TIAM1: variants seen among roughly 807,000 people sequenced by gnomAD.
The protein encoded by TIAM1 is rho guanine nucleotide exchange factor TIAM1.
In TIAM1, 65 loss-of-function variants were observed where a neutral mutation model predicts 163.5. That is an observed-to-expected ratio of 0.40 (90% confidence interval 0.33 to 0.49). The LOEUF is 0.49. Ranked by LOEUF, TIAM1 falls within the 20% of genes least tolerant of loss-of-function variation. The probability of loss-of-function intolerance (pLI) is 0.77; values close to 1 mark genes in which losing one functional copy is unlikely to be tolerated. For missense variants in TIAM1, 1,789 were observed against 2,044.7 expected (o/e 0.87, Z 2.41); for synonymous variants, 833 against 810.1 (o/e 1.03, Z -0.48).
intron 2 of TIAM1, among the ~76,000 whole-genome samples, chr21:31,286,451 C>A (rs1270367816): frequency 6.6e-6 from 1 of 151,858 alleles, no homozygotes; most frequent in Admixed American, 6.6e-5. Context: ...CTCATGCCTG[C>A]AATCTTAGCA....
chr21:31,523,004 A>G (rs1343760426), intron 1 of TIAM1, among the ~76,000 whole-genome samples: 6 of 152,324 alleles, frequency 3.9e-5, no homozygotes, highest in South Asian at 4.1e-4. Flanking sequence ...ATTCTCAATC[A>G]TTCTCAATAA....
chr21:31,274,115 T>C (rs1262408647), intron 3 of TIAM1, among the ~76,000 whole-genome samples: 2 of 151,962 alleles, frequency 1.3e-5, no homozygotes, highest in East Asian at 1.9e-4. Flanking sequence ...CTTGGGAGGC[T>C]GGGGCAGGAG....
Position 31,266,131 on chromosome 21 carries a change from G to A in TIAM1, c.842C>T (p.Pro281Leu). The change falls in exon 4 of 28, where the codon CCT becomes CTT. Residue 281 changes from proline to leucine, a missense_variant. Physicochemically the swap from Pro to Leu is moderately conservative, Grantham distance 98 (BLOSUM62 -3). Transcript: ENST00000541036. ...KMPPAAAEETPPYSNYNTLPC... is the reference protein window; with the variant it reads ...KMPPAAAEETLPYSNYNTLPC... ...AAGTGTGTTATAATTACTGTACGGAGGAGTCTCTTCAGCAGCAGCTGGTGG... is the reference window on the plus strand; with the variant it reads ...AAGTGTGTTATAATTACTGTACGGAAGAGTCTCTTCAGCAGCAGCTGGTGG... 1 of 1,614,216 alleles carries A rather than the reference G, an allele frequency of 6.2e-7. No homozygotes were observed. The highest frequency in any genetic ancestry group is 8.5e-7 in the Non-Finnish European group (1 of 1,180,040).
At chr21:31,352,471 A>G (rs1646612453) in intron 2 of TIAM1, among the ~76,000 whole-genome samples, 1 of 150,872 alleles carries the variant, frequency 6.6e-6, no homozygotes, top group Admixed American at 6.6e-5. Context: ...TATGTTATAT[A>G]TATCTTACCA....
intron 11 of TIAM1, among the ~76,000 whole-genome samples, chr21:31,204,969 C>A (rs527807157): frequency 6.6e-6 from 1 of 152,328 alleles, no homozygotes; most frequent in South Asian, 2.1e-4. Flanking sequence ...TGGCTTTTGT[C>A]CTTTCACTGC....
intron 2 of TIAM1, among the ~76,000 whole-genome samples, chr21:31,435,571 C>T (rs1320624607): frequency 6.6e-6 from 1 of 152,148 alleles, no homozygotes; most frequent in Non-Finnish European, 1.5e-5. Context: ...TGGGATGAAA[C>T]TAAGTAGGCA....
upstream of TIAM1, among the ~76,000 whole-genome samples, chr21:31,346,828 C>T (rs1330573095): frequency 1.3e-5 from 2 of 152,070 alleles, no homozygotes; most frequent in Non-Finnish European, 2.9e-5. Flanking sequence ...GGGAGCACAT[C>T]TTGCCTACAG....
chr21:31,285,418 CTTG>C (rs2073765549), intron 2 of TIAM1, among the ~76,000 whole-genome samples: 1 of 152,186 alleles, frequency 6.6e-6, no homozygotes, highest in South Asian at 2.1e-4. Context: ...GAAAATCTGC[CTTG>C]TTGTCCCTGG....
intron 2 of TIAM1, among the ~76,000 whole-genome samples, chr21:31,430,219 AAAAAAAATAT>A (rs1353877418): frequency 7.9e-4 from 88 of 110,970 alleles, no homozygotes; most frequent in African/African-American, 3.7e-3. Flanking sequence ...AGAAAAAAAA[AAAAAAAATAT>A]ATATATATAT....
At chr21:31,124,908 G>A (rs936686969) in intron 26 of TIAM1, among the ~76,000 whole-genome samples, 12 of 152,032 alleles carry the variant, frequency 7.9e-5, no homozygotes, top group South Asian at 2.1e-4. Context: ...ATCTCCTGGC[G>A]CTGATGTGGG....
chr21:31,419,868 T>C (rs762350162), intron 2 of TIAM1, among the ~76,000 whole-genome samples: 4 of 152,094 alleles, frequency 2.6e-5, no homozygotes, highest in Admixed American at 2.0e-4. Flanking sequence ...CTAGCCAACA[T>C]GGTGAAACCC....
At chr21:31,199,067 C>G (rs549498880) in intron 12 of TIAM1, among the ~76,000 whole-genome samples, 1 of 152,146 alleles carries the variant, frequency 6.6e-6, no homozygotes, top group African/African-American at 2.4e-5. Context: ...TTTATTAAAT[C>G]AATAATGTTG....
chr21:31,476,152 T>G (rs896844604), intron 1 of TIAM1, among the ~76,000 whole-genome samples: 1 of 152,232 alleles, frequency 6.6e-6, no homozygotes, highest in Admixed American at 6.5e-5. Context: ...GGCGATTTAT[T>G]TTTGTTGATT....
intron 2 of TIAM1, among the ~76,000 whole-genome samples, chr21:31,353,219 G>A (rs1783090): frequency 6.6e-6 from 1 of 152,136 alleles, no homozygotes; most frequent in Non-Finnish European, 1.5e-5. Context: ...AACAGTGGGG[G>A]AAATGAATCA....
intron 23 of TIAM1, among the ~76,000 whole-genome samples, chr21:31,132,212 C>A (rs553686329): frequency 2.6e-5 from 4 of 152,220 alleles, no homozygotes; most frequent in Non-Finnish European, 5.9e-5. Flanking sequence ...GGTTCAATTT[C>A]TATCCTACGG....
chr21:31,341,469 C>T (rs1181642388), intron 1 of TIAM1, among the ~76,000 whole-genome samples: 1 of 152,220 alleles, frequency 6.6e-6, no homozygotes, highest in Non-Finnish European at 1.5e-5. Context: ...CCAGTCATTA[C>T]AGCAAATTTG....
chr21:31,423,794 T>C (rs946425131), intron 2 of TIAM1, among the ~76,000 whole-genome samples: 2 of 132,828 alleles, frequency 1.5e-5, no homozygotes, highest in Non-Finnish European at 3.1e-5. Context: ...TATGATCCCA[T>C]TTATATGAAA....
intron 2 of TIAM1, among the ~76,000 whole-genome samples, chr21:31,334,465 GCT>G (rs1314128990): frequency 6.6e-6 from 1 of 152,086 alleles, no homozygotes; most frequent in Non-Finnish European, 1.5e-5. Flanking sequence ...CTTCATCAAT[GCT>G]TCAGTCCTCA....
intron 2 of TIAM1, among the ~76,000 whole-genome samples, chr21:31,307,437 G>T (rs1410991513): frequency 6.6e-6 from 1 of 152,076 alleles, no homozygotes; most frequent in Non-Finnish European, 1.5e-5. Flanking sequence ...CCAGAACACG[G>T]CCAGAACTAA....
Sources: allele counts gnomAD v4.1 joint callset (sites outside exome capture counted in the v4.1 genomes callset), GRCh38; gene constraint gnomAD v4.1.1; transcripts MANE v1.5; gene names NCBI Gene and HGNC (gene_info 2026-07-23, HGNC 2026-07-21).